EPHA6: variants seen among roughly 807,000 people sequenced by gnomAD.
EPHA6 encodes the protein ephrin type-A receptor 6.
Under a neutral mutation model 112.0 loss-of-function variants are expected in EPHA6, and 50 were observed. The ratio of observed to expected loss-of-function variants is 0.45; its 90% CI spans 0.36 to 0.56. The LOEUF is 0.56. EPHA6 is among the 20% of genes least tolerant of loss of function. The pLI, the probability that EPHA6 is intolerant of heterozygous loss-of-function variation, is 0.00. For missense variants in EPHA6, 1,280 were observed against 1,417.4 expected, an observed-to-expected ratio of 0.90 and a Z score of 1.56; for synonymous variants, 529 against 490.7, an observed-to-expected ratio of 1.08 and a Z score of -1.03.
intron 5 of EPHA6, among the ~76,000 whole-genome samples, chr3:97,371,408 C>T (rs1413285290): frequency 6.6e-6 from 1 of 152,032 alleles, no homozygotes; most frequent in African/African-American, 2.4e-5. Flanking sequence ...TTTCTTACAC[C>T]TGTCTTTACT....
rs553363951 is a variant in EPHA6, at chr3:97,594,740, G to A, written c.2512+2003G>A. Among the ~76,000 whole-genome samples the A allele has an allele frequency of 7.2e-5, 11 of 151,942 alleles. No homozygotes were observed. The East Asian group carries it at 1.2e-3, about 16-fold the overall frequency. ...TTTAAAAAAACTAAAGTATTTCTTT[G>A]CCATCTAATAGCTGAATTAATACCC... On this transcript the variant is annotated intron_variant, in intron 12 of 17. Coordinates refer to ENST00000389672, the MANE Select transcript of EPHA6 (RefSeq NM_001080448.3).
intron 4 of EPHA6, among the ~76,000 whole-genome samples, chr3:97,238,721 G>A (rs1054724912): frequency 6.6e-6 from 1 of 151,836 alleles, no homozygotes; most frequent in African/African-American, 2.4e-5. Flanking sequence ...GCAAGGAGTT[G>A]TCACAAAGGA....
Position 97,675,612 on chromosome 3 carries a change from T to C in EPHA6, c.2784+37530T>C, listed in dbSNP as rs374815079. Among the ~76,000 whole-genome samples, 34 of 152,348 alleles carry C rather than the reference T, an allele frequency of 2.2e-4. No homozygotes were observed. The South Asian group carries it at 2.7e-3, about 12-fold the overall frequency. ...CAGCCTAACTTTATAATTGCTTATATGATACATGTGGCAATAATCTTTGAT... is the reference window on the plus strand; with the variant it reads ...CAGCCTAACTTTATAATTGCTTATACGATACATGTGGCAATAATCTTTGAT... On this transcript the variant is annotated intron_variant, in intron 14 of 17. Transcript: ENST00000389672.
At chr3:97,110,326 C>T (rs55739117) in intron 3 of EPHA6, among the ~76,000 whole-genome samples, 15,358 of 151,944 alleles carry the variant, frequency 0.1, 1,274 homozygotes, top group Admixed American at 0.22. Flanking sequence ...AGCCCAGAGT[C>T]GTACAGCTAA....
intron 11 of EPHA6, among the ~76,000 whole-genome samples, chr3:97,591,111 C>T (rs569899697): frequency 6.6e-6 from 1 of 152,210 alleles, no homozygotes; most frequent in East Asian, 1.9e-4. Context: ...ACACTAAGGC[C>T]CCATAAAATC....
chr3:97,759,631 G>A lies in EPHA6; in HGVS notation c.*10930G>A, dbSNP rs531269592. The A allele has an allele frequency of 4.3e-5, 10 of 230,254 alleles. 1 individual carries two copies. The highest frequency in any genetic ancestry group is 2.0e-4 in the African/African-American group (9 of 45,306). The allele number at this position is 230,254 out of a possible 1,614,324, so 14.3% of individuals were successfully genotyped here. A position where few individuals can be genotyped will look rare whatever the true frequency, so the allele number is the denominator to read the frequency against. On this transcript the variant is annotated 3_prime_UTR_variant, in exon 18 of 18. Transcript: ENST00000389672. ...AGGTGCCGGAATATAGAACTCCAATGAAAGGAAGGCAGAATGTGTAATGTG... is the reference window on the plus strand; with the variant it reads ...AGGTGCCGGAATATAGAACTCCAATAAAAGGAAGGCAGAATGTGTAATGTG...
At chr3:97,373,469 A>G (rs1467504615) in intron 5 of EPHA6, among the ~76,000 whole-genome samples, 1 of 152,128 alleles carries the variant, frequency 6.6e-6, no homozygotes, top group African/African-American at 2.4e-5. Flanking sequence ...ATTACATTCA[A>G]TTCTTTGCTA....
At chr3:97,382,239 A>C (rs1407202932) in intron 5 of EPHA6, among the ~76,000 whole-genome samples, 1 of 152,056 alleles carries the variant, frequency 6.6e-6, no homozygotes, top group African/African-American at 2.4e-5. Flanking sequence ...AGTTCATGGA[A>C]ATGTTCAGAT....
At chr3:97,497,857 T>C (rs2092019822) in intron 10 of EPHA6, among the ~76,000 whole-genome samples, 3 of 151,618 alleles carry the variant, frequency 2.0e-5, no homozygotes, top group Non-Finnish European at 2.9e-5. Flanking sequence ...GAGAATTACA[T>C]AGATTGCAAT....
chr3:97,614,110 G>GT (rs910543847), intron 13 of EPHA6, among the ~76,000 whole-genome samples: 20 of 151,704 alleles, frequency 1.3e-4, no homozygotes, highest in Non-Finnish European at 2.5e-4. Context: ...ATTGTTTTTT[G>GT]TTTTTTGTTT....
At chr3:97,460,945 G>C (rs146813487) in intron 7 of EPHA6, among the ~76,000 whole-genome samples, 282 of 152,236 alleles carry the variant, frequency 1.9e-3, no homozygotes, top group African/African-American at 6.5e-3. Context: ...ATCTAAGACA[G>C]ATAATAAGAG....
intron 7 of EPHA6, among the ~76,000 whole-genome samples, chr3:97,449,338 A>T (rs1331713770): frequency 6.6e-6 from 1 of 152,096 alleles, no homozygotes; most frequent in Admixed American, 6.6e-5. Context: ...TTTGGCCTTC[A>T]GAAATCCATC....
At chr3:97,732,377 A>G (rs923059685) in intron 15 of EPHA6, among the ~76,000 whole-genome samples, 70 of 151,810 alleles carry the variant, frequency 4.6e-4, no homozygotes, top group Admixed American at 3.6e-3. Context: ...CTCCCATAAC[A>G]GCCTGTTCTA....
chr3:97,053,252 TAGTA>T (rs1380196280), intron 3 of EPHA6, among the ~76,000 whole-genome samples: 1 of 151,990 alleles, frequency 6.6e-6, no homozygotes, highest in African/African-American at 2.4e-5. Flanking sequence ...TGAAGGGTTA[TAGTA>T]AGTAAGGGTA....
At chr3:96,974,498 TG>T (rs2042444893) in intron 2 of EPHA6, among the ~76,000 whole-genome samples, 1 of 151,208 alleles carries the variant, frequency 6.6e-6, no homozygotes, top group African/African-American at 2.4e-5. Flanking sequence ...TTTTAATTTA[TG>T]TTTTTTATGT....
At chr3:97,043,623 G>A (rs539697866) in intron 3 of EPHA6, among the ~76,000 whole-genome samples, 1 of 152,244 alleles carries the variant, frequency 6.6e-6, no homozygotes, top group South Asian at 2.1e-4. Flanking sequence ...CCCACCCTGA[G>A]TGAGCTGCGT....
intron 2 of EPHA6, among the ~76,000 whole-genome samples, chr3:96,968,441 C>A (rs750743929): frequency 2.1e-4 from 32 of 151,288 alleles, no homozygotes; most frequent in Non-Finnish European, 3.7e-4. Context: ...AGAGTAGCTT[C>A]AAAAAATATT....
chr3:97,328,042 CACAT>C (rs1364982761), intron 5 of EPHA6, among the ~76,000 whole-genome samples: 1 of 57,406 alleles, frequency 1.7e-5, no homozygotes, highest in African/African-American at 7.6e-5. Context: ...TATATATACA[CACAT>C]ATATACACAT....
At chr3:96,873,488 G>A (rs2036761601) in intron 2 of EPHA6, among the ~76,000 whole-genome samples, 1 of 152,056 alleles carries the variant, frequency 6.6e-6, no homozygotes, top group African/African-American at 2.4e-5. Context: ...TGCAACATTT[G>A]CTTAAACAGT....
Sources: allele counts gnomAD v4.1 joint callset (sites outside exome capture counted in the v4.1 genomes callset), GRCh38; gene constraint gnomAD v4.1.1; transcripts MANE v1.5; gene names NCBI Gene and HGNC (gene_info 2026-07-23, HGNC 2026-07-21).